Variants in PTPRQ observed in about 807,000 individuals in gnomAD.
PTPRQ encodes the protein protein tyrosine phosphatase receptor type Q.
In PTPRQ, 199 loss-of-function variants were observed where a neutral mutation model predicts 246.0. That is an observed-to-expected ratio of 0.81 (90% CI 0.72 to 0.91). The LOEUF is 0.91. Ranked by LOEUF, PTPRQ falls within the 40% of genes least tolerant of loss-of-function variation. The probability of loss-of-function intolerance (pLI) is 0.00; values close to 1 mark genes in which losing one functional copy is unlikely to be tolerated. For synonymous variants in PTPRQ, 869 were observed against 853.2 expected (o/e 1.02, Z -0.32); for missense variants, 2,624 against 2,528.4 (o/e 1.04, Z -0.81).
intron 18 of PTPRQ, 72 bp from the exon 19 acceptor site, chr12:80,534,820 T>A: frequency 1.4e-6 from 2 of 1,470,216 alleles, no homozygotes; most frequent in Non-Finnish European, 1.8e-6. Context: ...AAACTGTAGG[T>A]AAAATTCAGG....
rs1901027780 is a variant in PTPRQ at position 80,673,171 on chromosome 12, C to A, written c.6605C>A (p.Ala2202Asp). Residue 2202 changes from alanine (A) to aspartate (D), a missense_variant and splice_region_variant, in exon 43 of 45, where the codon GCT becomes GAT. Ala to Asp is a moderately radical substitution (Grantham distance 126). Coordinates refer to ENST00000644991, the MANE Select transcript of PTPRQ (RefSeq NM_001145026.2). The part of the protein sequence containing the change: ...DTTPMIVHCS[A>D]GVGRTGVFIA... ...CATGTAATTTACCCTTCCTGTAGTG[C>A]TGGAGTTGGAAGAACTGGAGTTTTT... 1.2e-5 allele frequency: 19 copies of A among 1,550,392 alleles called. No individual in the cohort carries two copies. The highest frequency in any genetic ancestry group is 1.6e-5 in the Non-Finnish European group (18 of 1,146,150).
chr12:80,503,813 A>T (rs960499638), intron 14 of PTPRQ, among the ~76,000 whole-genome samples: 2 of 151,700 alleles, frequency 1.3e-5, no homozygotes, highest in African/African-American at 4.8e-5. Flanking sequence ...TGTTGAAAGC[A>T]TTATCCCTCA....
intron 24 of PTPRQ, among the ~76,000 whole-genome samples, chr12:80,548,196 TTAAA>T (rs1310978425): frequency 2.0e-5 from 3 of 152,154 alleles, no homozygotes; most frequent in Non-Finnish European, 4.4e-5. Context: ...CTCTGATTAT[TTAAA>T]TAAATAAAAT....
intron 25 of PTPRQ, among the ~76,000 whole-genome samples, chr12:80,569,415 G>T (rs1044308509): frequency 6.8e-6 from 1 of 147,092 alleles, no homozygotes; most frequent in Non-Finnish European, 1.5e-5. Context: ...GGGAGGGATA[G>T]CATTGGGAGA....
intron 17 of PTPRQ, among the ~76,000 whole-genome samples, chr12:80,528,050 C>T (rs560006053): frequency 1.3e-5 from 2 of 152,068 alleles, no homozygotes; most frequent in Non-Finnish European, 2.9e-5. Flanking sequence ...GTGATCATAC[C>T]ACTGCACTCC....
Position 80,460,919 on chromosome 12 carries a change from G to A in PTPRQ, c.910+17G>A. The A allele has an allele frequency of 2.5e-6, 1 of 400,228 alleles. No homozygotes were observed. The highest frequency in any genetic ancestry group is 4.4e-6 in the Non-Finnish European group (1 of 226,130). 24.8% of individuals were successfully genotyped at this position (400,228 alleles called of 1,614,324 possible). A position where few individuals can be genotyped will look rare whatever the true frequency, so the allele number is the denominator to read the frequency against. ...CAGAATCAGGTATGGTTCACTTTTT[G>A]TAGATAAAAAGATTTAAATGATTAG... On this transcript the variant is annotated intron_variant, in intron 6 of 44. Coordinates refer to ENST00000644991, the MANE Select transcript of PTPRQ (RefSeq NM_001145026.2).
chr12:80,673,459 G>T (rs1901038131), intron 43 of PTPRQ, among the ~76,000 whole-genome samples, 155 bp downstream of exon 43: 1 of 152,030 alleles, frequency 6.6e-6, no homozygotes, highest in South Asian at 2.1e-4. Flanking sequence ...GAGGGCAGCT[G>T]ATAGAGATTA....
chr12:80,647,741 G>A (rs1223939588), intron 35 of PTPRQ, among the ~76,000 whole-genome samples: 1 of 151,914 alleles, frequency 6.6e-6, no homozygotes, highest in South Asian at 2.1e-4. Flanking sequence ...TCACTCTAGG[G>A]TATTGTGGGG....
chr12:80,463,115 T>A (rs913016269), intron 6 of PTPRQ, among the ~76,000 whole-genome samples: 3 of 151,890 alleles, frequency 2.0e-5, no homozygotes, highest in East Asian at 1.9e-4. Flanking sequence ...GTTGAAAACT[T>A]TGAAAAAAAT....
rs1894508601 is a variant in PTPRQ, at chr12:80,493,324, T to C, written c.1409T>C (p.Met470Thr). The C allele has an allele frequency of 6.5e-7, 1 of 1,548,612 alleles. No homozygotes were observed. The highest frequency in any genetic ancestry group is 8.7e-7 in the Non-Finnish European group (1 of 1,145,306). The change falls in exon 10 of 45, where the codon ATG (methionine) becomes ACG (threonine). Residue 470 changes from methionine to threonine, a missense_variant. Coordinates refer to ENST00000644991, the MANE Select transcript of PTPRQ (RefSeq NM_001145026.2). The part of the protein sequence containing the change: ...APEIVNIVEP[M>T]VGLYEGSAEM... Reference sequence around the variant, plus strand: ...GAAATTGTGAACATAGTAGAGCCAATGGTAGGATTATATGAGGGTTCAGCA... The same window carrying C: ...GAAATTGTGAACATAGTAGAGCCAACGGTAGGATTATATGAGGGTTCAGCA...
chr12:80,646,663 G>C lies in PTPRQ; in HGVS notation c.5916-2234G>C, dbSNP rs576969624. ...GCATGCGAATGTTGAGTGCCCAGGC[G>C]ATGTGGGTTAGGCACCAATGACATC... On this transcript the variant is annotated intron_variant, in intron 35 of 44. Coordinates refer to ENST00000644991, the MANE Select transcript of PTPRQ (RefSeq NM_001145026.2). 4.6e-5 allele frequency among the ~76,000 whole-genome samples: 7 copies of C among 152,176 alleles called. No individual in the cohort carries two copies. The East Asian group carries it at 1.4e-3, about 29-fold the overall frequency.
At chr12:80,612,945 A>G (rs1298534863) in intron 28 of PTPRQ, among the ~76,000 whole-genome samples, 1 of 150,572 alleles carries the variant, frequency 6.6e-6, no homozygotes, top group Non-Finnish European at 1.5e-5. Context: ...ATACAGAGGA[A>G]GAGTTATTAG....
chr12:80,634,749 A>C (rs1899576452), intron 34 of PTPRQ, 196 bp from the exon 35 acceptor site: 6 of 729,622 alleles, frequency 8.2e-6, no homozygotes, highest in Non-Finnish European at 1.2e-5. Context: ...TTAGAAAAAA[A>C]AGAAAGTAGA....
chr12:80,495,318 A>G lies in PTPRQ; in HGVS notation c.1829A>G (p.Asp610Gly), dbSNP rs1357459208. The G allele has an allele frequency of 1.2e-5, 18 of 1,543,564 alleles. No individual in the cohort carries two copies. Among genetic ancestry groups the G allele is most frequent in the Non-Finnish European group, 1.7e-6 (2 of 1,144,686 alleles). ...TATACGATTTATGCAATGGAATTGGATACAAACAGAGCATTCCAGATAACT... is the reference window on the plus strand; with the variant it reads ...TATACGATTTATGCAATGGAATTGGGTACAAACAGAGCATTCCAGATAACT... Reference protein sequence around the residue: ...THYTIYAMELDTNRAFQITTI... With the variant: ...THYTIYAMELGTNRAFQITTI... The change falls in exon 12 of 45, where the codon GAT (aspartate) becomes GGT (glycine). Residue 610 changes from aspartate to glycine, a missense_variant. By Grantham distance (94) the Asp-to-Gly change is moderately conservative. Coordinates refer to ENST00000644991, the MANE Select transcript of PTPRQ (RefSeq NM_001145026.2).
At chr12:80,656,378 A>T (rs1316465076) in intron 38 of PTPRQ, among the ~76,000 whole-genome samples, 1 of 152,164 alleles carries the variant, frequency 6.6e-6, no homozygotes, top group Non-Finnish European at 1.5e-5. Flanking sequence ...TAGCTGAGGT[A>T]ACCAAGGAGC....
intron 3 of PTPRQ, among the ~76,000 whole-genome samples, chr12:80,449,983 C>T (rs567379156): frequency 2.8e-4 from 42 of 152,256 alleles, no homozygotes; most frequent in African/African-American, 7.2e-4. Context: ...GTCATTTTCA[C>T]GATATTCATT....
intron 25 of PTPRQ, among the ~76,000 whole-genome samples, chr12:80,569,728 C>T (rs968263769): frequency 2.0e-5 from 3 of 151,780 alleles, no homozygotes; most frequent in Non-Finnish European, 4.4e-5. Flanking sequence ...CTAATGCTAT[C>T]CATCCCCTAG....
intron 37 of PTPRQ, 81 bp from the exon 38 acceptor site, chr12:80,652,663 G>A: frequency 7.4e-7 from 1 of 1,354,054 alleles, no homozygotes; most frequent in Non-Finnish European, 9.7e-7. Flanking sequence ...AAAAGTTTAG[G>A]ACAAATAACT....
At chr12:80,510,185 C>A in intron 16 of PTPRQ, 138 bp from the exon 17 acceptor site, 1 of 873,950 alleles carries the variant, frequency 1.1e-6, no homozygotes, top group Non-Finnish European at 1.6e-6. Context: ...AGTAAACAGT[C>A]TCTTGTGCTT....
Sources: allele counts gnomAD v4.1 joint callset (sites outside exome capture counted in the v4.1 genomes callset), GRCh38; gene constraint gnomAD v4.1.1; transcripts MANE v1.5; gene names NCBI Gene and HGNC (gene_info 2026-07-23, HGNC 2026-07-21).